Variants in CTPS1 observed in about 807,000 individuals in gnomAD.
CTPS1 encodes CTP synthetase 1.
A neutral mutation model predicts 80.5 loss-of-function variants in CTPS1; 25 were observed. That is an observed-to-expected ratio of 0.31 (90% CI 0.23 to 0.43). The LOEUF (loss-of-function observed/expected upper bound fraction) is 0.43. CTPS1 is among the 20% of genes least tolerant of loss of function. The pLI is 1.00. For missense variants in CTPS1, 442 were observed against 725.7 expected (o/e 0.61, Z 4.49); for synonymous variants, 267 against 252.5 (o/e 1.06, Z -0.54).
chr1:40,981,348 G>GCAAGAATC (rs1473786217), intron 1 of CTPS1: 3 of 152,196 alleles, frequency 2.0e-5, no homozygotes, highest in African/African-American at 7.2e-5. Flanking sequence ...ACTAAAGAAC[G>GCAAGAATC]TAAAGAGAGA....
In CTPS1 at chr1:41,007,483, T is replaced by A. The variant is rs1242533359; in HGVS notation, c.1331T>A (p.Met444Lys). 2.5e-6 allele frequency: 4 copies of A among 1,614,006 alleles called. No individual in the cohort carries two copies. Among genetic ancestry groups the A allele is most frequent in the Non-Finnish European group, 3.4e-6 (4 of 1,180,038 alleles). ...ATGCCAGAACACAACCCAGGGCAGA[T>A]GGGCGGAACCATGAGGCTGGGCAAG... ...VDMPEHNPGQ[M>K]GGTMRLGKRR... Residue 444 changes from methionine (M) to lysine (K), a missense_variant, in exon 14 of 19, where the codon ATG becomes AAG. Physicochemically the swap from Met to Lys is moderately conservative, Grantham distance 95. Transcript: ENST00000650070. This position sits in a 1 kb window ranked among gnomAD's most constrained non-coding sequence, Gnocchi z 4.4.
In CTPS1 at chr1:41,008,888, A is replaced by G. The variant is rs1464410039; in HGVS notation, c.1544A>G (p.Glu515Gly). Residue 515 changes from glutamate to glycine, a missense_variant and splice_region_variant, in exon 16 of 19, where the codon GAA (glutamate) becomes GGA (glycine). Physicochemically the swap from Glu to Gly is moderately conservative, Grantham distance 98. Coordinates refer to ENST00000650070, the MANE Select transcript of CTPS1 (RefSeq NM_001905.4). ...EGERMEIVEL[E>G]DHPFFVGVQY... ...GAGAGAATGGAAATTGTGGAGTTAG[A>G]AGGTGATTATTCGGGCAGTTTTATT... is the stretch of plus-strand genomic sequence containing the variant. 1 of 1,611,928 alleles carries G rather than the reference A, an allele frequency of 6.2e-7. No homozygotes were observed. The highest frequency in any genetic ancestry group is 1.3e-5 in the African/African-American group (1 of 74,902).
chr1:41,010,360 A>G (rs1243009857), intron 18 of CTPS1, 106 bp downstream of exon 18: 7 of 750,398 alleles, frequency 9.3e-6, no homozygotes, highest in African/African-American at 3.5e-5. Flanking sequence ...TCTGCCAGGA[A>G]TGAAAGTGGT....
At chr1:41,010,394 G>A in intron 18 of CTPS1, 140 bp downstream of exon 18, 1 of 629,850 alleles carries the variant, frequency 1.6e-6, no homozygotes. Flanking sequence ...TAATCCAGAG[G>A]TTGAGAGAGA....
chr1:40,982,578 T>G (rs961579629), intron 1 of CTPS1, among the ~76,000 whole-genome samples: 1 of 152,074 alleles, frequency 6.6e-6, no homozygotes, highest in African/African-American at 2.4e-5. Context: ...TTAGTAGAGA[T>G]GCGGTTTCCC....
At chr1:41,005,044 A>T (rs974523127) in intron 12 of CTPS1, among the ~76,000 whole-genome samples, 8 of 151,920 alleles carry the variant, frequency 5.3e-5, no homozygotes, top group Non-Finnish European at 1.0e-4. Flanking sequence ...CATGAGAATC[A>T]CTTGAATTCT....
At chr1:40,983,803 T>C (rs961580643) in intron 2 of CTPS1, among the ~76,000 whole-genome samples, 7 of 152,068 alleles carry the variant, frequency 4.6e-5, no homozygotes, top group African/African-American at 1.7e-4. Flanking sequence ...CTAAATTTTT[T>C]GTACAGGTGG....
In CTPS1 at chr1:41,006,114, C is replaced by A; in HGVS notation, c.1296+20C>A. The A allele has an allele frequency of 6.2e-7, 1 of 1,603,536 alleles. No homozygotes were observed. The highest frequency in any genetic ancestry group is 2.2e-5 in the East Asian group (1 of 44,840). On this transcript the variant is annotated intron_variant, in intron 13 of 18. Transcript: ENST00000650070. ...CCCGTGGTGAGTCAAGTGTTTGAAC[C>A]TCCACAGGGCTTAGAAGGGTGTAGA...
intron 18 of CTPS1, 121 bp downstream of exon 18, chr1:41,010,375 T>C: frequency 1.5e-6 from 1 of 675,768 alleles, no homozygotes; most frequent in Non-Finnish European, 2.6e-6. Flanking sequence ...AGTGGTGAGG[T>C]CTTGAATATA....
At chr1:41,000,408 A>AT (rs549386080) in intron 9 of CTPS1, among the ~76,000 whole-genome samples, 7,201 of 134,352 alleles carry the variant, frequency 0.054, 253 homozygotes, top group Non-Finnish European at 0.08. Flanking sequence ...ACACCCAGCT[A>AT]TTTTTTTTTT....
intron 2 of CTPS1, among the ~76,000 whole-genome samples, chr1:40,984,122 A>C (rs1028016861): frequency 2.0e-5 from 3 of 152,262 alleles, no homozygotes; most frequent in Non-Finnish European, 2.9e-5. Context: ...AACAAATGGC[A>C]TCAGGAAAAG....
intron 12 of CTPS1, 33 bp from the exon 13 acceptor site, chr1:41,006,018 A>T: frequency 6.4e-7 from 1 of 1,567,862 alleles, no homozygotes; most frequent in Non-Finnish European, 8.8e-7. Context: ...TTCGTTTGTA[A>T]CTATTTTCAT....
intron 2 of CTPS1, among the ~76,000 whole-genome samples, chr1:40,984,137 A>G (rs760712746): frequency 9.2e-5 from 14 of 152,238 alleles, no homozygotes; most frequent in Admixed American, 3.3e-4. Context: ...GAAAAGATCC[A>G]TATACCTGAG....
At chr1:40,999,360 C>CT (rs1642841002) in intron 9 of CTPS1, among the ~76,000 whole-genome samples, 1 of 152,182 alleles carries the variant, frequency 6.6e-6, no homozygotes, top group Admixed American at 6.5e-5. Flanking sequence ...GTTCAGGAAA[C>CT]TAACTGCAGG....
Position 41,007,273 on chromosome 1 carries a change from A to G in CTPS1, c.1297-176A>G, listed in dbSNP as rs1643056913. 2.0e-5 allele frequency among the ~76,000 whole-genome samples: 3 copies of G among 152,280 alleles called. No homozygotes were observed. Among genetic ancestry groups the G allele is most frequent in the South Asian group, 4.2e-4 (2 of 4,814 alleles). Reference sequence around the variant, plus strand: ...GGCTGAAGGACGGAGCCTCCACCCAACCGAGGTTACAAATGCCAACTGGGA... The same window carrying G: ...GGCTGAAGGACGGAGCCTCCACCCAGCCGAGGTTACAAATGCCAACTGGGA... On this transcript the variant is annotated intron_variant, in intron 13 of 18. Coordinates refer to ENST00000650070, the MANE Select transcript of CTPS1 (RefSeq NM_001905.4). The surrounding 1 kb of genome is among the most constrained non-coding windows in gnomAD (Gnocchi z 4.4).
intron 5 of CTPS1, among the ~76,000 whole-genome samples, chr1:40,990,227 C>T (rs1467128854): frequency 6.6e-6 from 1 of 152,126 alleles, no homozygotes; most frequent in African/African-American, 2.4e-5. Context: ...ACTATCAGGG[C>T]CTTTACAGAA....
At chr1:41,000,959 A>G in intron 9 of CTPS1, 70 bp from the exon 10 acceptor site, 1 of 957,058 alleles carries the variant, frequency 1.0e-6, no homozygotes, top group Non-Finnish European at 1.5e-6. Context: ...TGATAATATT[A>G]TTTAAAAATT....
intron 3 of CTPS1, among the ~76,000 whole-genome samples, chr1:40,986,368 G>A (rs1642453650): frequency 6.6e-6 from 1 of 152,220 alleles, no homozygotes; most frequent in African/African-American, 2.4e-5. Context: ...CATAGCTAAG[G>A]CAGAGTGACT....
At chr1:40,998,334 G>T (rs1393156482) in intron 9 of CTPS1, among the ~76,000 whole-genome samples, 1 of 150,356 alleles carries the variant, frequency 6.7e-6, no homozygotes, top group Non-Finnish European at 1.5e-5. Flanking sequence ...GGAGGTGGAG[G>T]TTGCAGTGAG....
Sources: gnomAD v4.1 joint callset for allele counts (sites outside exome capture counted in the v4.1 genomes callset) on GRCh38, gnomAD v4.1.1 for gene constraint, Gnocchi (gnomAD v3.1) non-coding constraint, MANE v1.5 for transcripts, NCBI Gene and HGNC (gene_info 2026-07-23, HGNC 2026-07-21) for gene names.